VGLL4: variants seen among roughly 807,000 people sequenced by gnomAD.
VGLL4 encodes the protein vestigial like family member 4, also known as transcription cofactor vestigial-like protein 4.
Under a neutral mutation model 21.0 loss-of-function variants are expected in VGLL4, and 7 were observed. That is an observed-to-expected ratio of 0.33 (90% CI 0.19 to 0.63). The LOEUF is 0.63. Among genes scored for constraint, VGLL4 ranks in the 20% least tolerant of loss-of-function variants. The pLI is 0.78. For missense variants in VGLL4, 394 were observed against 425.7 expected (o/e 0.93, Z 0.66); for synonymous variants, 222 against 173.2 (o/e 1.28, Z -2.21).
At chr3:11,661,067 C>T (rs1399275302) in intron 2 of VGLL4, among the ~76,000 whole-genome samples, 3 of 152,104 alleles carry the variant, frequency 2.0e-5, no homozygotes, top group East Asian at 1.9e-4. Context: ...GCTAGTTGAT[C>T]GATTCAAACA....
At chr3:11,561,427 A>C (rs2072990024) in intron 3 of VGLL4, among the ~76,000 whole-genome samples, 1 of 152,168 alleles carries the variant, frequency 6.6e-6, no homozygotes, top group Non-Finnish European at 1.5e-5. Context: ...GAATTGCCTT[A>C]ACCGGTCACC....
upstream of VGLL4, among the ~76,000 whole-genome samples, chr3:11,648,145 T>C (rs2075819387): frequency 6.6e-6 from 1 of 152,218 alleles, no homozygotes; most frequent in South Asian, 2.1e-4. Context: ...GAAAAGCTAG[T>C]TCTTTTTCTA....
chr3:11,622,698 T>G (rs2075285706), intron 1 of VGLL4, among the ~76,000 whole-genome samples: 1 of 152,272 alleles, frequency 6.6e-6, no homozygotes, highest in Admixed American at 6.5e-5. Context: ...ATTTCACGAT[T>G]AGTTCTCTAG....
intron 1 of VGLL4, among the ~76,000 whole-genome samples, chr3:11,628,019 C>A (rs2075391337): frequency 6.6e-6 from 1 of 152,150 alleles, no homozygotes; most frequent in Non-Finnish European, 1.5e-5. Context: ...TGAAGGCCCT[C>A]ACAACAAATA....
At chr3:11,572,977 G>T (rs1253283761) in intron 2 of VGLL4, among the ~76,000 whole-genome samples, 2 of 151,922 alleles carry the variant, frequency 1.3e-5, no homozygotes, top group Non-Finnish European at 2.9e-5. Context: ...AGACCGGCCT[G>T]ACCAACATGG....
chr3:11,700,675 G>A (rs1193546287), intron 2 of VGLL4, among the ~76,000 whole-genome samples: 2 of 152,344 alleles, frequency 1.3e-5, no homozygotes, highest in South Asian at 2.1e-4. Flanking sequence ...GCCTGGGTAG[G>A]TGAAGACACA....
chr3:11,645,313 A>G (rs7611738), upstream of VGLL4, among the ~76,000 whole-genome samples: 81,147 of 151,114 alleles, frequency 0.54, 22,157 homozygotes, highest in African/African-American at 0.59. Context: ...GCAATAGGCC[A>G]GGCGCGGTGG....
intron 1 of VGLL4, among the ~76,000 whole-genome samples, chr3:11,608,137 T>C (rs2074985876): frequency 6.6e-6 from 1 of 152,200 alleles, no homozygotes; most frequent in Non-Finnish European, 1.5e-5. Flanking sequence ...AAAGATTATC[T>C]TTCTTTTTCA....
chr3:11,684,271 A>AGCCT (rs1205206821), intron 2 of VGLL4, among the ~76,000 whole-genome samples: 4 of 152,140 alleles, frequency 2.6e-5, no homozygotes, highest in Non-Finnish European at 5.9e-5. Context: ...AAGAATATAA[A>AGCCT]CTTTTAAATA....
intron 2 of VGLL4, among the ~76,000 whole-genome samples, chr3:11,671,747 G>A (rs1279738300): frequency 6.6e-6 from 1 of 151,898 alleles, no homozygotes; most frequent in Non-Finnish European, 1.5e-5. Context: ...AACTTCAACT[G>A]GGAAAATTCC....
upstream of VGLL4, among the ~76,000 whole-genome samples, chr3:11,648,548 T>A (rs779124866): frequency 3.3e-5 from 5 of 152,200 alleles, no homozygotes; most frequent in Non-Finnish European, 7.3e-5. Context: ...AGAATTTGAT[T>A]GAGAATACAG....
At chr3:11,628,270 T>C (rs1217780322) in intron 1 of VGLL4, among the ~76,000 whole-genome samples, 2 of 151,854 alleles carry the variant, frequency 1.3e-5, no homozygotes, top group African/African-American at 4.8e-5. Context: ...TGCCTGTGAT[T>C]CCAGCTACTT....
intron 3 of VGLL4, among the ~76,000 whole-genome samples, chr3:11,559,790 G>C (rs1319152540): frequency 6.6e-6 from 1 of 152,182 alleles, no homozygotes; most frequent in Non-Finnish European, 1.5e-5. Flanking sequence ...GGTTGCAGGA[G>C]GGACCTCGAT....
chr3:11,601,592 TTAACA>T (rs1316844517), intron 2 of VGLL4, among the ~76,000 whole-genome samples: 1 of 152,212 alleles, frequency 6.6e-6, no homozygotes, highest in African/African-American at 2.4e-5. Flanking sequence ...TCTATGGAGT[TTAACA>T]TGCGGAAGGT....
intron 2 of VGLL4, among the ~76,000 whole-genome samples, chr3:11,667,391 T>A (rs2076141760): frequency 6.6e-6 from 1 of 152,268 alleles, no homozygotes. Context: ...CTTTAGCATG[T>A]CACCTTCTAC....
chr3:11,564,776 C>A (rs1171589436), intron 3 of VGLL4, 21 bp downstream of exon 3: 1 of 1,534,552 alleles, frequency 6.5e-7, no homozygotes, highest in Non-Finnish European at 8.7e-7. Flanking sequence ...CCCCACGCCA[C>A]CCTCCCAGAC....
chr3:11,612,539 A>G (rs1375478759), intron 1 of VGLL4: 1 of 152,184 alleles, frequency 6.6e-6, no homozygotes, highest in African/African-American at 2.4e-5. Context: ...AAGAATGAAC[A>G]CTCATCCACT....
At chr3:11,706,603 CGTGT>C (rs1231231191) in intron 1 of VGLL4, among the ~76,000 whole-genome samples, 1 of 152,172 alleles carries the variant, frequency 6.6e-6, no homozygotes, top group Non-Finnish European at 1.5e-5. Flanking sequence ...TTTGTGGATG[CGTGT>C]GTGTTTCAAA....
In VGLL4 at chr3:11,671,721, C is replaced by CTT. The variant is rs5846717; in HGVS notation, c.64+31248_64+31249dup. Among the ~76,000 whole-genome samples, 22 of 149,326 alleles carry CTT rather than the reference C, an allele frequency of 1.5e-4. No homozygotes were observed. The South Asian group carries it at 2.1e-3, about 14-fold the overall frequency. On this transcript the variant is annotated intron_variant, in intron 2 of 5. Coordinates refer to the VGLL4 transcript ENST00000273038. Reference sequence around the variant, plus strand: ...TGAAGATATGTGATCTAAAAATTCACTTTTTTTTTTTAAATAACTTCAACT... The same window carrying CTT: ...TGAAGATATGTGATCTAAAAATTCACTTTTTTTTTTTTTAAATAACTTCAACT...
Sources: gnomAD v4.1 joint callset for allele counts (sites outside exome capture counted in the v4.1 genomes callset) on GRCh38, gnomAD v4.1.1 for gene constraint, MANE v1.5 for transcripts, NCBI Gene and HGNC (gene_info 2026-07-23, HGNC 2026-07-21) for gene names.